The following ASF1B variants were observed in gnomAD, a reference collection of about 807,000 sequenced individuals.
ASF1B encodes anti-silencing function 1B histone chaperone.
A neutral mutation model predicts 16.6 loss-of-function variants in ASF1B; 10 were observed. The ratio of observed to expected loss-of-function variants is 0.60; its 90% CI spans 0.37 to 1.02. The LOEUF (loss-of-function observed/expected upper bound fraction) is 1.02, where lower values mean the gene tolerates loss of function less well. Among genes scored for constraint, ASF1B ranks in the 50% least tolerant of loss-of-function variants. The probability of loss-of-function intolerance (pLI) is 0.01; values close to 1 mark genes in which losing one functional copy is unlikely to be tolerated. For synonymous variants in ASF1B, 101 were observed against 106.2 expected, an observed-to-expected ratio of 0.95 and a Z score of 0.30; for missense variants, 240 against 266.0, an observed-to-expected ratio of 0.90 and a Z score of 0.68.
intron 1 of ASF1B, among the ~76,000 whole-genome samples, chr19:14,135,085 G>A (rs891581164): frequency 5.3e-5 from 8 of 151,940 alleles, no homozygotes; most frequent in East Asian, 1.9e-4. Flanking sequence ...TTAGCTGGGC[G>A]TGGTGACAGG....
chr19:14,122,302 G>A (rs1664253678), intron 2 of ASF1B, among the ~76,000 whole-genome samples: 1 of 151,572 alleles, frequency 6.6e-6, no homozygotes, highest in Non-Finnish European at 1.5e-5. Context: ...CCTGACTTCA[G>A]GTGATCTGCC....
chr19:14,126,078 T>C, intron 2 of ASF1B, 44 bp downstream of exon 2: 3 of 1,428,478 alleles, frequency 2.1e-6, no homozygotes, highest in South Asian at 2.6e-5. Context: ...AAGAGGATGT[T>C]TCTAGGAATC....
intron 1 of ASF1B, 57 bp from the exon 2 acceptor site, chr19:14,126,294 G>T (rs1437324531): frequency 2.4e-6 from 3 of 1,276,344 alleles, no homozygotes; most frequent in African/African-American, 3.0e-5. Flanking sequence ...AGAAGGCAGG[G>T]ATAGGCTCTT....
intron 1 of ASF1B, among the ~76,000 whole-genome samples, chr19:14,128,192 G>C (rs1461237179): frequency 6.6e-6 from 1 of 152,174 alleles, no homozygotes; most frequent in East Asian, 1.9e-4. Context: ...GCAGCTGGGG[G>C]AAGTTTCACA....
chr19:14,126,476 T>C (rs1372206782), intron 1 of ASF1B, among the ~76,000 whole-genome samples: 1 of 152,046 alleles, frequency 6.6e-6, no homozygotes, highest in African/African-American at 2.4e-5. Context: ...AGCTAATTTT[T>C]TTTTTCTTTT....
chr19:14,134,892 C>T (rs942914723), intron 1 of ASF1B, among the ~76,000 whole-genome samples: 1 of 151,142 alleles, frequency 6.6e-6, no homozygotes, highest in Non-Finnish European at 1.5e-5. Context: ...TCAAAAGCAA[C>T]GGGAGCTTGG....
chr19:14,133,186 G>A (rs1967432789), intron 1 of ASF1B, among the ~76,000 whole-genome samples: 1 of 152,068 alleles, frequency 6.6e-6, no homozygotes, highest in Admixed American at 6.5e-5. Context: ...ACTGCATTTT[G>A]AGTGTCCTGA....
At chr19:14,134,923 TA>T (rs56877772) in intron 1 of ASF1B, among the ~76,000 whole-genome samples, 25,388 of 144,010 alleles carry the variant, frequency 0.18, 2,481 homozygotes, top group African/African-American at 0.28. Flanking sequence ...CCAGCTATAT[TA>T]AAAAAAAAAA....
Position 14,121,674 on chromosome 19 carries a change from G to A in ASF1B, c.260C>T (p.Thr87Ile), listed in dbSNP as rs780144708. 3 of 1,613,992 alleles carry A rather than the reference G, an allele frequency of 1.9e-6. No individual in the cohort carries two copies. Among genetic ancestry groups the A allele is most frequent in the Admixed American group, 3.3e-5 (2 of 60,010 alleles). ...DAPNPSLIPE[T>I]DAVGVTVVLI... ...GACCACAGTCACACCCACGGCATCA[G>A]TCTCTGGGATGAGGGATGGGTTGGG... The change falls in exon 3 of 4, where the codon ACT becomes ATT. Residue 87 changes from threonine (T) to isoleucine (I), a missense_variant. Physicochemically the swap from Thr to Ile is moderately conservative, Grantham distance 89. Coordinates refer to ENST00000263382, the MANE Select transcript of ASF1B (RefSeq NM_018154.3).
At chr19:14,132,344 C>CA (rs1202007771) in intron 1 of ASF1B, among the ~76,000 whole-genome samples, 2 of 152,066 alleles carry the variant, frequency 1.3e-5, no homozygotes, top group Non-Finnish European at 2.9e-5. Flanking sequence ...GGGGTTTTGT[C>CA]AGATTTTCAG....
chr19:14,133,731 AAGTT>A (rs1967441683), intron 1 of ASF1B, among the ~76,000 whole-genome samples: 1 of 151,818 alleles, frequency 6.6e-6, no homozygotes, highest in Admixed American at 6.6e-5. Context: ...TTCTATAAAT[AAGTT>A]AGTAAAGTCA....
chr19:14,133,796 C>CCTTT (rs1967442829), intron 1 of ASF1B, among the ~76,000 whole-genome samples: 1 of 139,032 alleles, frequency 7.2e-6, no homozygotes, highest in African/African-American at 2.8e-5. Flanking sequence ...ACCGCACAAC[C>CCTTT]ATTTTTTTTT....
chr19:14,122,818 C>T (rs532726610), intron 2 of ASF1B, among the ~76,000 whole-genome samples: 6 of 152,140 alleles, frequency 3.9e-5, no homozygotes, highest in South Asian at 2.1e-4. Context: ...TCAGGCCACC[C>T]GGGGGCCAGC....
rs764108702 is a variant in ASF1B at position 14,120,517 on chromosome 19, A to G, written c.551T>C (p.Leu184Ser). ...LPLNCTPIKG[L>S]GLPGCIPGLL... ...GCCAGGGATGCAGCCAGGGAGCCCC[A>G]AGCCCTTGATAGGAGTGCAGTTGAG... The change falls in exon 4 of 4, where the codon TTG (leucine) becomes TCG (serine). Residue 184 changes from leucine (L) to serine (S), a missense_variant. Physicochemically the swap from Leu to Ser is moderately radical, Grantham distance 145. Coordinates refer to ENST00000263382, the MANE Select transcript of ASF1B (RefSeq NM_018154.3). 2 of 1,613,180 alleles carry G rather than the reference A, an allele frequency of 1.2e-6. No homozygotes were observed. Among genetic ancestry groups the G allele is most frequent in the African/African-American group, 2.7e-5 (2 of 74,866 alleles).
At chr19:14,129,127 GC>G (rs1432039703) in intron 1 of ASF1B, among the ~76,000 whole-genome samples, 1 of 152,166 alleles carries the variant, frequency 6.6e-6, no homozygotes, top group Non-Finnish European at 1.5e-5. Context: ...GGTGGCGCGT[GC>G]CGGTGGTCCC....
chr19:14,121,838 T>C lies in ASF1B; in HGVS notation c.226-130A>G, dbSNP rs539806915. 1.0e-4 allele frequency: 86 copies of C among 831,098 alleles called. No homozygotes were observed. In the African/African-American group the frequency reaches 1.3e-3, roughly 13 times the overall value. The allele number at this position is 831,098 out of a possible 1,614,324, so 51.5% of individuals were successfully genotyped here. ...TCTCTGCCCTCAGTTTTCTTTTTTT[T>C]ACTTCTGCCTCTCGGGTTCAAACAA... On this transcript the variant is annotated intron_variant, in intron 2 of 3. Transcript: ENST00000263382.
Position 14,121,691 on chromosome 19 carries a change from T to A in ASF1B, c.243A>T (p.Pro81=). The change falls in exon 3 of 4, where the codon CCA becomes CCT. Residue 81 remains proline (P), a synonymous_variant. Coordinates refer to ENST00000263382, the MANE Select transcript of ASF1B (RefSeq NM_018154.3). ...CGGCATCAGTCTCTGGGATGAGGGA[T>A]GGGTTGGGGGCGTCGGCCTAGGGGA... ...MFVFQADAPN[P]SLIPETDAVG... The A allele has an allele frequency of 6.2e-7, 1 of 1,613,864 alleles. No individual in the cohort carries two copies. The highest frequency in any genetic ancestry group is 1.1e-5 in the South Asian group (1 of 91,064).
In ASF1B at chr19:14,130,781, T is replaced by TG. The variant is rs1555776591; in HGVS notation, c.110-4545_110-4544insC. 7.9e-3 allele frequency among the ~76,000 whole-genome samples: 1,052 copies of TG among 132,418 alleles called. 18 individuals carry two copies. Among genetic ancestry groups the TG allele is most frequent in the African/African-American group, 0.027 (975 of 36,642 alleles). The allele number at this position is 132,418 out of a possible 152,430, so 86.9% of individuals were successfully genotyped here. A position where few individuals can be genotyped will look rare whatever the true frequency, so the allele number is the denominator to read the frequency against. ...TGCAAGACATACCTCCACTGTGTGT[T>TG]TGTGTGTATATATATATATATATAT... On this transcript the variant is annotated intron_variant, in intron 1 of 3. Transcript: ENST00000263382.
intron 1 of ASF1B, among the ~76,000 whole-genome samples, chr19:14,132,802 A>G (rs1967425370): frequency 6.6e-6 from 1 of 152,128 alleles, no homozygotes; most frequent in Non-Finnish European, 1.5e-5. Flanking sequence ...TGGGTGACAT[A>G]GTGAGATTCC....
Sources: allele counts gnomAD v4.1 joint callset (sites outside exome capture counted in the v4.1 genomes callset), GRCh38; gene constraint gnomAD v4.1.1; transcripts MANE v1.5; gene names NCBI Gene and HGNC (gene_info 2026-07-23, HGNC 2026-07-21).